The following PRKAG1 variants were observed in gnomAD, a reference collection of about 807,000 sequenced individuals.
PRKAG1 encodes 5'-AMP-activated protein kinase subunit gamma-1.
In PRKAG1, 27 loss-of-function variants were observed where a neutral mutation model predicts 48.2. That is an observed-to-expected ratio of 0.56 (90% CI 0.41 to 0.77). The LOEUF is 0.77. Among genes scored for constraint, PRKAG1 ranks in the 30% least tolerant of loss-of-function variants. The probability of loss-of-function intolerance (pLI) is 0.00; values close to 1 mark genes in which losing one functional copy is unlikely to be tolerated. For synonymous variants in PRKAG1, 130 were observed against 147.7 expected, an observed-to-expected ratio of 0.88 and a Z score of 0.87; for missense variants, 287 against 398.3, an observed-to-expected ratio of 0.72 and a Z score of 2.38.
At chr12:49,011,333 A>G (rs910909773) in intron 2 of PRKAG1, among the ~76,000 whole-genome samples, 1 of 152,126 alleles carries the variant, frequency 6.6e-6, no homozygotes. Flanking sequence ...TTGTTTGTTT[A>G]TAATTGAGAC....
chr12:49,018,631 G>A (rs536727157), intron 1 of PRKAG1, 101 bp downstream of exon 1: 28 of 1,591,760 alleles, frequency 1.8e-5, no homozygotes, highest in Non-Finnish European at 2.2e-5. Flanking sequence ...TTGTTTGCTA[G>A]ACACCAGCGC....
Position 49,015,536 on chromosome 12 carries a change from T to C in PRKAG1, c.10-2426A>G, listed in dbSNP as rs182872950. ...ACATAGAGCTAACTAGAGATACAGA[T>C]ACCAACATAAGAGAGTCAAACACAA... On this transcript the variant is annotated intron_variant, in intron 1 of 11. Coordinates refer to ENST00000548065, the MANE Select transcript of PRKAG1 (RefSeq NM_002733.5). Among the ~76,000 whole-genome samples, 999 of 152,302 alleles carry C rather than the reference T, an allele frequency of 6.6e-3. 6 individuals are homozygous for C. The highest frequency in any genetic ancestry group is 0.034 in the Middle Eastern group (10 of 294).
At chr12:49,016,751 T>C (rs1941991212) in intron 1 of PRKAG1, 1 of 155,696 alleles carries the variant, frequency 6.4e-6, no homozygotes. Context: ...ACTTTACTTT[T>C]CGAAGTAGCT....
chr12:49,010,404 G>A (rs1941708053), intron 2 of PRKAG1, among the ~76,000 whole-genome samples: 2 of 152,148 alleles, frequency 1.3e-5, no homozygotes, highest in South Asian at 4.1e-4. Flanking sequence ...TGCTTGGAGG[G>A]TGAAGGCTCT....
intron 1 of PRKAG1, 144 bp from the exon 2 acceptor site, chr12:49,013,254 G>C (rs1334564707): frequency 1.5e-6 from 1 of 670,000 alleles, no homozygotes. Context: ...TTTTTTTTTT[G>C]TTTTTGAGAC....
At chr12:49,017,337 A>G (rs948372640) in intron 1 of PRKAG1, 1 of 382,970 alleles carries the variant, frequency 2.6e-6, no homozygotes, top group Non-Finnish European at 5.1e-6. Flanking sequence ...AGTAGCTGGG[A>G]CTACAGGCAC....
chr12:49,017,621 C>A (rs947199264), intron 1 of PRKAG1: 5 of 161,700 alleles, frequency 3.1e-5, no homozygotes, highest in African/African-American at 1.2e-4. Context: ...AACCATAATA[C>A]ATTTACAAGT....
chr12:49,002,626 A>G lies in PRKAG1; in HGVS notation c.*273T>C, dbSNP rs1348139252. The G allele has an allele frequency of 5.8e-6, 3 of 518,184 alleles. No individual in the cohort carries two copies. The highest frequency in any genetic ancestry group is 5.8e-5 in the African/African-American group (3 of 52,152). The allele number at this position is 518,184 out of a possible 1,614,324, so 32.1% of individuals were successfully genotyped here. A position where few individuals can be genotyped will look rare whatever the true frequency, so the allele number is the denominator to read the frequency against. Reference sequence around the variant, plus strand: ...TTTGTCTGAGAGGCACAGAGCCTATAGTTCACCCAGAAAGGGGGATATATC... The same window carrying G: ...TTTGTCTGAGAGGCACAGAGCCTATGGTTCACCCAGAAAGGGGGATATATC... On this transcript the variant is annotated 3_prime_UTR_variant, in exon 12 of 12. Transcript: ENST00000548065.
chr12:49,015,622 G>C (rs1941936853), intron 1 of PRKAG1, among the ~76,000 whole-genome samples: 1 of 152,174 alleles, frequency 6.6e-6, no homozygotes, highest in African/African-American at 2.4e-5. Context: ...TCCCAGGCTG[G>C]AGTGCAGTGA....
At chr12:49,007,661 T>C (rs1182048920) in intron 2 of PRKAG1, among the ~76,000 whole-genome samples, 3 of 152,108 alleles carry the variant, frequency 2.0e-5, no homozygotes, top group Non-Finnish European at 2.9e-5. Flanking sequence ...CTTAATTCTA[T>C]GTCCTTAAAT....
intron 2 of PRKAG1, among the ~76,000 whole-genome samples, chr12:49,009,630 G>A (rs999867973): frequency 3.3e-5 from 5 of 151,462 alleles, no homozygotes; most frequent in Non-Finnish European, 7.4e-5. Context: ...TTGTTTTTTT[G>A]AGACAGAGTT....
In PRKAG1 at chr12:49,009,604, TTTG is replaced by T. The variant is rs200184343; in HGVS notation, c.58+3455_58+3457del. Among the ~76,000 whole-genome samples the T allele has an allele frequency of 8.5e-3, 1,289 of 152,266 alleles. 6 individuals carry two copies. The highest frequency in any genetic ancestry group is 0.027 in the Middle Eastern group (8 of 294). On this transcript the variant is annotated intron_variant, in intron 2 of 11. Transcript: ENST00000548065. ...TTGTTTCATGGTGGAAATAAGGTTT[TTTG>T]TTGTTGTTGTTTTTGTTTTTTTGAG...
chr12:49,017,130 T>TA, intron 1 of PRKAG1: 1 of 456,056 alleles, frequency 2.2e-6, no homozygotes, highest in Non-Finnish European at 4.4e-6. Context: ...TACCTTTAAA[T>TA]AACAGCTGTT....
In PRKAG1 at chr12:49,002,782, G is replaced by T; in HGVS notation, c.*117C>A. Reference sequence around the variant, plus strand: ...CTAGCTCCCAGATAGAAGGGCAGGGGACCCTGAACAGGGAACAGAGTCACA... The same window carrying T: ...CTAGCTCCCAGATAGAAGGGCAGGGTACCCTGAACAGGGAACAGAGTCACA... On this transcript the variant is annotated 3_prime_UTR_variant, in exon 12 of 12. Transcript: ENST00000548065. The T allele has an allele frequency of 1.0e-6, 1 of 976,020 alleles. No individual in the cohort carries two copies. The highest frequency in any genetic ancestry group is 1.6e-6 in the Non-Finnish European group (1 of 631,646). 60.5% of individuals were successfully genotyped at this position (976,020 alleles called of 1,614,324 possible).
chr12:49,015,530 T>C (rs1420140354), intron 1 of PRKAG1, among the ~76,000 whole-genome samples: 1 of 152,198 alleles, frequency 6.6e-6, no homozygotes, highest in Non-Finnish European at 1.5e-5. Context: ...TAACTAGAGA[T>C]ACAGATACCA....
chr12:49,003,608 A>G lies in PRKAG1; in HGVS notation c.704-13T>C. On this transcript the variant is annotated splice_polypyrimidine_tract_variant and intron_variant, in intron 9 of 11. Transcript: ENST00000548065. The stretch of plus-strand genomic sequence containing the variant: ...TCCACCACACGCCCTAGGGGGACAG[A>G]GGCAGCTCAGTAAGGAGGATCTGGG... The G allele has an allele frequency of 6.2e-7, 1 of 1,613,378 alleles. No individual in the cohort carries two copies. Among genetic ancestry groups the G allele is most frequent in the Middle Eastern group, 1.7e-4 (1 of 6,060 alleles).
In PRKAG1 at chr12:49,013,113, G is replaced by A. The variant is rs201457667; in HGVS notation, c.10-3C>T. 3.1e-6 allele frequency: 5 copies of A among 1,612,870 alleles called. No individual in the cohort carries two copies. Among genetic ancestry groups the A allele is most frequent in the Admixed American group, 3.3e-5 (2 of 60,004 alleles). ...GGGGAGCTATCTGAAGAAATGACCT[G>A]GAGAGATAAGAAAACAGATTCAGCT... is the stretch of plus-strand genomic sequence containing the variant. On this transcript the variant is annotated splice_region_variant and splice_polypyrimidine_tract_variant and intron_variant, in intron 1 of 11. Coordinates refer to ENST00000548065, the MANE Select transcript of PRKAG1 (RefSeq NM_002733.5).
intron 1 of PRKAG1, among the ~76,000 whole-genome samples, chr12:49,013,660 C>T (rs1337922010): frequency 6.6e-6 from 1 of 152,170 alleles, no homozygotes; most frequent in African/African-American, 2.4e-5. Context: ...CATTAAGCAA[C>T]TTGCCCAAGG....
chr12:49,017,480 GGC>G, intron 1 of PRKAG1: 1 of 290,426 alleles, frequency 3.4e-6, no homozygotes, highest in Non-Finnish European at 6.8e-6. Flanking sequence ...CCAAAGTACT[GGC>G]ATTACAGGCG....
Sources: allele counts gnomAD v4.1 joint callset (sites outside exome capture counted in the v4.1 genomes callset), GRCh38; gene constraint gnomAD v4.1.1; transcripts MANE v1.5; gene names NCBI Gene and HGNC (gene_info 2026-07-23, HGNC 2026-07-21).